Variants in CRY2 observed in about 807,000 individuals in gnomAD.
CRY2 encodes the protein cryptochrome-2.
CRY2 carries 31 observed loss-of-function variants against 69.5 expected under a neutral mutation model. That is an observed-to-expected ratio of 0.45 (90% CI 0.34 to 0.60). CRY2 has a LOEUF of 0.60. Ranked by LOEUF, CRY2 falls within the 20% of genes least tolerant of loss-of-function variation. The probability of loss-of-function intolerance (pLI) is 0.02; values close to 1 mark genes in which losing one functional copy is unlikely to be tolerated. For missense variants in CRY2, 606 were observed against 797.8 expected (o/e 0.76, Z 2.90); for synonymous variants, 303 against 312.2 (o/e 0.97, Z 0.31).
upstream of CRY2, chr11:45,847,251 T>C (rs1465831290): frequency 1.5e-5 from 24 of 1,551,350 alleles, no homozygotes; most frequent in East Asian, 3.4e-4. Flanking sequence ...CTTGTCCGCA[T>C]GCCAGCTCCA....
chr11:45,861,443 C>CTT, intron 4 of CRY2: 4 of 165,888 alleles, frequency 2.4e-5, no homozygotes, highest in South Asian at 1.6e-4. Context: ...TCTTTCTTAC[C>CTT]TTTTTTTTTT....
chr11:45,849,316 T>C (rs1170405912), intron 1 of CRY2, among the ~76,000 whole-genome samples: 2 of 152,188 alleles, frequency 1.3e-5, no homozygotes, highest in Non-Finnish European at 2.9e-5. Flanking sequence ...CTGAGTCAAA[T>C]CCTGAAGTCA....
chr11:45,847,368 G>T (rs2086157293), upstream of CRY2: 1 of 1,598,978 alleles, frequency 6.3e-7, no homozygotes, highest in Admixed American at 1.7e-5. Flanking sequence ...GAGGGGCTCT[G>T]GGGCCCTGTG....
At chr11:45,861,445 T>C (rs1039207681) in intron 4 of CRY2, 1 of 167,822 alleles carries the variant, frequency 6.0e-6, no homozygotes, top group Non-Finnish European at 1.3e-5. Context: ...TTTCTTACCT[T>C]TTTTTTTTCT....
At chr11:45,862,329 A>G (rs1305147554) in intron 5 of CRY2, among the ~76,000 whole-genome samples, 181 bp downstream of exon 5, 3 of 152,378 alleles carry the variant, frequency 2.0e-5, no homozygotes, top group East Asian at 1.9e-4. Context: ...TTTAGAGAGT[A>G]CTTACCATGT....
chr11:45,847,928 C>T (rs957234239), intron 1 of CRY2, among the ~76,000 whole-genome samples: 24 of 152,214 alleles, frequency 1.6e-4, no homozygotes, highest in African/African-American at 5.5e-4. Flanking sequence ...CTCACAACTG[C>T]CTGTGGAACG....
rs866112748 is a variant in CRY2, at chr11:45,882,437, C to G, written c.*1526C>G. On this transcript the variant is annotated 3_prime_UTR_variant, in exon 12 of 12. Transcript: ENST00000616080. ...GATCTGTTAATTCTTTTGGCCCCAG[C>G]CCTGTCCCTCACTGTCCTCTGTCCT... 1.8e-5 allele frequency: 7 copies of G among 396,102 alleles called. No homozygotes were observed. Among genetic ancestry groups the G allele is most frequent in the African/African-American group, 1.4e-4 (7 of 48,608 alleles). 24.5% of individuals were successfully genotyped at this position (396,102 alleles called of 1,614,324 possible).
chr11:45,850,302 C>G (rs1343886723), intron 1 of CRY2, among the ~76,000 whole-genome samples: 1 of 152,092 alleles, frequency 6.6e-6, no homozygotes, highest in African/African-American at 2.4e-5. Flanking sequence ...GCCACTGTGC[C>G]CGGCCTTGGG....
chr11:45,874,394 G>T (rs1266306007), intron 11 of CRY2, among the ~76,000 whole-genome samples: 1 of 152,168 alleles, frequency 6.6e-6, no homozygotes, highest in Non-Finnish European at 1.5e-5. Context: ...TACCTAACAA[G>T]GGGCCCAGAG....
chr11:45,849,113 T>C (rs565290818), intron 1 of CRY2, among the ~76,000 whole-genome samples: 2 of 152,336 alleles, frequency 1.3e-5, no homozygotes, highest in East Asian at 3.9e-4. Context: ...TTTCTTCTTT[T>C]ATTGGGTTTT....
chr11:45,865,055 C>T (rs990052005), intron 5 of CRY2, among the ~76,000 whole-genome samples: 3 of 151,784 alleles, frequency 2.0e-5, no homozygotes, highest in East Asian at 1.9e-4. Context: ...CCACCACACC[C>T]GGGCAGAAAT....
At chr11:45,850,152 G>A (rs1484649875) in intron 1 of CRY2, among the ~76,000 whole-genome samples, 1 of 151,928 alleles carries the variant, frequency 6.6e-6, no homozygotes, top group Non-Finnish European at 1.5e-5. Context: ...GGGACTGCAG[G>A]CATGCACCAC....
chr11:45,864,188 A>ATG (rs1375663286), intron 5 of CRY2, among the ~76,000 whole-genome samples: 1 of 152,236 alleles, frequency 6.6e-6, no homozygotes, highest in East Asian at 1.9e-4. Context: ...GAACTGCACC[A>ATG]TGAGTATACA....
In CRY2 at chr11:45,856,444, G is replaced by T. The variant is rs192360565; in HGVS notation, c.324+354G>T. 7.9e-3 allele frequency: 1,592 copies of T among 202,060 alleles called. 41 individuals are homozygous for T. The highest frequency in any genetic ancestry group is 0.034 in the African/African-American group (1,444 of 43,036). The allele number at this position is 202,060 out of a possible 1,614,324, so 12.5% of individuals were successfully genotyped here. ...CCTTCTAGGCCAAGACTTTGAGGTG[G>T]GGTTTCATGTCTAGCAAGGTACATT... On this transcript the variant is annotated intron_variant, in intron 2 of 11. Transcript: ENST00000616080.
At chr11:45,867,569 A>G (rs1243447457) in intron 5 of CRY2, 43 bp from the exon 6 acceptor site, 1 of 1,610,202 alleles carries the variant, frequency 6.2e-7, no homozygotes, top group African/African-American at 1.3e-5. Context: ...TTCCTCTGTT[A>G]CATCCAAGCC....
At chr11:45,860,386 TA>T (rs34068985) in intron 3 of CRY2, among the ~76,000 whole-genome samples, 15,026 of 130,368 alleles carry the variant, frequency 0.12, 1,041 homozygotes, top group African/African-American at 0.22. Context: ...ATGTTAGAGT[TA>T]AAAAAAAAAA....
chr11:45,870,656 C>T (rs551765924), intron 9 of CRY2, 124 bp downstream of exon 9: 17 of 1,266,104 alleles, frequency 1.3e-5, no homozygotes, highest in Admixed American at 1.0e-4. Flanking sequence ...TTGACACCTT[C>T]GCTGGGTATG....
chr11:45,882,367 T>C lies in CRY2; in HGVS notation c.*1456T>C. 1 of 360,110 alleles carries C rather than the reference T, an allele frequency of 2.8e-6. No homozygotes were observed. The highest frequency in any genetic ancestry group is 4.9e-6 in the Non-Finnish European group (1 of 202,128). The allele number at this position is 360,110 out of a possible 1,614,324, so 22.3% of individuals were successfully genotyped here. Reference sequence around the variant, plus strand: ...TCACGTGTATCATTAAGCTGGCCTTTGGGCCTTTTCCTTTCTACCTCCCCT... The same window carrying C: ...TCACGTGTATCATTAAGCTGGCCTTCGGGCCTTTTCCTTTCTACCTCCCCT... On this transcript the variant is annotated 3_prime_UTR_variant, in exon 12 of 12. Transcript: ENST00000616080.
chr11:45,878,457 A>T (rs2086440938), intron 11 of CRY2, among the ~76,000 whole-genome samples: 1 of 152,224 alleles, frequency 6.6e-6, no homozygotes, highest in Non-Finnish European at 1.5e-5. Context: ...TCTTTAGTTT[A>T]ACAACAGGGG....
Sources: gnomAD v4.1 joint callset for allele counts (sites outside exome capture counted in the v4.1 genomes callset) on GRCh38, gnomAD v4.1.1 for gene constraint, MANE v1.5 for transcripts, NCBI Gene and HGNC (gene_info 2026-07-23, HGNC 2026-07-21) for gene names.